Variants in MYO15B observed in about 807,000 individuals in gnomAD.
MYO15B encodes myosin XVB.
In MYO15B, 207 loss-of-function variants were observed where a neutral mutation model predicts 119.3. The ratio of observed to expected loss-of-function variants is 1.73; its 90% CI spans 1.55 to 1.95. The LOEUF (loss-of-function observed/expected upper bound fraction) is 1.95, where lower values mean the gene tolerates loss of function less well. Ranked by LOEUF, MYO15B falls within the 30% of genes most tolerant of loss-of-function variation. MYO15B has a pLI of 0.00. For synonymous variants in MYO15B, 966 were observed against 498.9 expected (o/e 1.94, Z -12.48); for missense variants, 2,264 against 1,203.1 (o/e 1.88, Z -13.04).
At chr17:75,588,808 C>T (rs2056224132) in exon 1 of MYO15B, 4 of 398,480 alleles carry the variant, frequency 1.0e-5, no homozygotes, top group Non-Finnish European at 1.8e-5. Flanking sequence ...CGGACCTGGA[C>T]GGGGCTCTCG....
In MYO15B at chr17:75,611,517, A is replaced by T. The variant is rs898117167; in HGVS notation, c.4447-84A>T. The T allele has an allele frequency of 1.8e-5, 12 of 665,350 alleles. No homozygotes were observed. The African/African-American group carries it at 1.8e-4, about 10-fold the overall frequency. The allele number at this position is 665,350 out of a possible 1,614,324, so 41.2% of individuals were successfully genotyped here. ...CGTGGTCTTTGGAAGGGATGTTTATAATCTTGGGGTTGAGGGTGTGGGGAG... is the reference window on the plus strand; with the variant it reads ...CGTGGTCTTTGGAAGGGATGTTTATTATCTTGGGGTTGAGGGTGTGGGGAG... On this transcript the variant is annotated intron_variant, in intron 23 of 63. Transcript: ENST00000645453.
intron 53 of MYO15B, 88 bp from the exon 54 acceptor site, chr17:75,623,693 C>A: frequency 1.5e-6 from 1 of 682,884 alleles, no homozygotes; most frequent in Non-Finnish European, 2.7e-6. Flanking sequence ...CAGCCCCAGC[C>A]CATGGCCTAG....
In MYO15B at chr17:75,617,942, C is replaced by T; in HGVS notation, c.6927+20C>T. 1.4e-6 allele frequency: 1 copy of T among 702,154 alleles called. No individual in the cohort carries two copies. The allele number at this position is 702,154 out of a possible 1,614,324, so 43.5% of individuals were successfully genotyped here. On this transcript the variant is annotated intron_variant, in intron 42 of 63. Coordinates refer to ENST00000645453, the Ensembl canonical transcript of MYO15B. ...AAGGAGGTGGGCATGAGGGTGGGGC[C>T]TTGGCCTGGCCTCTTTGGGCTGGCA...
chr17:75,592,106 C>A (rs1262330686), intron 6 of MYO15B, 26 bp downstream of exon 6: 22 of 702,516 alleles, frequency 3.1e-5, no homozygotes, highest in Admixed American at 1.0e-4. Context: ...GCAGGGGGCA[C>A]CTACAATCAC....
In MYO15B at chr17:75,619,977, C is replaced by T. The variant is rs572490899; in HGVS notation, c.7400C>T (p.Ala2467Val). 66 of 702,768 alleles carry T rather than the reference C, an allele frequency of 9.4e-5. No individual in the cohort carries two copies. In the Admixed American group the frequency reaches 1.0e-3, roughly 11 times the overall value. The allele number at this position is 702,768 out of a possible 1,614,324, so 43.5% of individuals were successfully genotyped here. Residue 2467 changes from alanine (A) to valine (V), a missense_variant, in exon 47 of 64, where the codon GCC (alanine) becomes GTC (valine). By Grantham distance (64) the Ala-to-Val change is moderately conservative (BLOSUM62 0). Coordinates refer to ENST00000645453, the Ensembl canonical transcript of MYO15B. ...GTGCTGCACACAGCCCGGGCAAGGG[C>T]CATCGAGGCGCTGGTTGAGCTATTC...
chr17:75,609,883 G>T (rs2057908935), intron 21 of MYO15B, among the ~76,000 whole-genome samples: 1 of 151,954 alleles, frequency 6.6e-6, no homozygotes, highest in Admixed American at 6.6e-5. Flanking sequence ...AGTAGACGGG[G>T]TTTCACCATG....
intron 55 of MYO15B, 48 bp downstream of exon 55, chr17:75,624,112 T>C (rs1374903050): frequency 2.8e-6 from 2 of 702,688 alleles, no homozygotes; most frequent in South Asian, 3.0e-5. Flanking sequence ...TTTCTAGGAC[T>C]GGGAACTTGG....
exon 10 of MYO15B, chr17:75,594,567 G>A (rs1209668377): frequency 1.5e-6 from 1 of 655,832 alleles, no homozygotes; most frequent in South Asian, 1.7e-5. Flanking sequence ...GCCTGGAGGG[G>A]GCTGTCACCA....
rs1374075681 is a variant in MYO15B, at chr17:75,615,681, C to G, written c.5839-12C>G. On this transcript the variant is annotated splice_polypyrimidine_tract_variant and intron_variant, in intron 35 of 63. Transcript: ENST00000645453. ...GGATGAGGGTCTGAACTGGCTGCTC[C>G]TCCTGCTTCAGGCCCAGCAGATGAC... 1 of 672,124 alleles carries G rather than the reference C, an allele frequency of 1.5e-6. No homozygotes were observed. Among genetic ancestry groups the G allele is most frequent in the Non-Finnish European group, 2.7e-6 (1 of 366,770 alleles). 41.6% of individuals were successfully genotyped at this position (672,124 alleles called of 1,614,324 possible).
rs1322233480 is a variant in MYO15B, at chr17:75,589,335, CGGGAAAGCGGATGAAGGGCGGGGCCA to C, written c.1279_1304del (p.Gly427ArgfsTer40). On this transcript the variant is annotated frameshift_variant, in exon 1 of 64. Transcript: ENST00000645453. LOFTEE classifies it high-confidence loss of function. The surrounding 1 kb of genome is among the most constrained non-coding windows in gnomAD (Gnocchi z 4.2). ...GGAGAGGAAGCAAGGGGCGGGGCCGCGGGAAAGCGGATGAAGGGCGGGGCCACGAGCGAGGGGACGAGGGTCGGGGC... is the reference window on the plus strand; with the variant it reads ...GGAGAGGAAGCAAGGGGCGGGGCCGCCGAGCGAGGGGACGAGGGTCGGGGC... 37 of 321,178 alleles carry C rather than the reference CGGGAAAGCGGATGAAGGGCGGGGCCA, an allele frequency of 1.2e-4. No individual in the cohort carries two copies. The highest frequency in any genetic ancestry group is 1.9e-4 in the Non-Finnish European group (36 of 186,868). 19.9% of individuals were successfully genotyped at this position (321,178 alleles called of 1,614,324 possible).
intron 22 of MYO15B, 69 bp from the exon 23 acceptor site, chr17:75,610,831 A>C (rs1458831426): frequency 1.3e-5 from 9 of 701,574 alleles, no homozygotes; most frequent in Non-Finnish European, 2.3e-5. Context: ...GCTGAACTTC[A>C]GAGCTGGGGA....
At chr17:75,604,454 C>T (rs1448150175) in intron 19 of MYO15B, among the ~76,000 whole-genome samples, 3 of 147,492 alleles carry the variant, frequency 2.0e-5, no homozygotes, top group Non-Finnish European at 4.5e-5. Context: ...AACACTCCCC[C>T]ACCCACCCCT....
chr17:75,615,869 G>C, exon 36 of MYO15B: 1 of 693,218 alleles, frequency 1.4e-6, no homozygotes, highest in South Asian at 1.5e-5. Flanking sequence ...TGGGATCAGA[G>C]GGTGGCTGCC....
intron 23 of MYO15B, 102 bp downstream of exon 23, chr17:75,611,061 T>G: frequency 2.9e-6 from 2 of 694,624 alleles, no homozygotes; most frequent in Middle Eastern, 2.3e-4. Flanking sequence ...GTCTTGTCCC[T>G]CAGGGCCATG....
At chr17:75,612,138 G>A (rs1334095395) in intron 25 of MYO15B, 122 bp downstream of exon 25, 2 of 636,756 alleles carry the variant, frequency 3.1e-6, no homozygotes, top group African/African-American at 1.8e-5. Flanking sequence ...CCAGCCTTTG[G>A]GGCTGTGAGT....
At chr17:75,591,995 A>G in exon 6 of MYO15B, 1 of 702,680 alleles carries the variant, frequency 1.4e-6, no homozygotes, top group Non-Finnish European at 2.6e-6. Context: ...TATGCTGCCT[A>G]TACTCAGCAG....
Position 75,596,571 on chromosome 17 carries a change from G to C in MYO15B, c.3393+16G>C. 1 of 702,956 alleles carries C rather than the reference G, an allele frequency of 1.4e-6. No homozygotes were observed. Among genetic ancestry groups the C allele is most frequent in the Non-Finnish European group, 2.6e-6 (1 of 384,956 alleles). 43.5% of individuals were successfully genotyped at this position (702,956 alleles called of 1,614,324 possible). A position where few individuals can be genotyped will look rare whatever the true frequency, so the allele number is the denominator to read the frequency against. On this transcript the variant is annotated intron_variant, in intron 13 of 63. Coordinates refer to ENST00000645453, the Ensembl canonical transcript of MYO15B. ...CCAGGAGGAGGTAAGAGGATTGGGC[G>C]TGGACGTGGCAGGGGCCGCTCAGGC...
At position 75,592,099 on chromosome 17, in the gene MYO15B, G is replaced by A. The variant is rs1486510651; in HGVS notation, c.2651+19G>A. On this transcript the variant is annotated intron_variant, in intron 6 of 63. Coordinates refer to ENST00000645453, the Ensembl canonical transcript of MYO15B. ...TACAGCAGTGAGTGGCAGGGTTGCA[G>A]GGGGCACCTACAATCACTTACCCTT... 9 of 702,592 alleles carry A rather than the reference G, an allele frequency of 1.3e-5. No homozygotes were observed. The highest frequency in any genetic ancestry group is 7.0e-5 in the African/African-American group (4 of 57,248). The allele number at this position is 702,592 out of a possible 1,614,324, so 43.5% of individuals were successfully genotyped here.
intron 14 of MYO15B, among the ~76,000 whole-genome samples, chr17:75,598,524 T>C: frequency 1.5e-5 from 1 of 66,562 alleles, no homozygotes. Flanking sequence ...CGAGACTCCA[T>C]CTCAAAAAAA....
Sources: gnomAD v4.1 joint callset for allele counts (sites outside exome capture counted in the v4.1 genomes callset) on GRCh38, gnomAD v4.1.1 for gene constraint, Gnocchi (gnomAD v3.1) non-coding constraint, MANE v1.5 for transcripts, NCBI Gene and HGNC (gene_info 2026-07-23, HGNC 2026-07-21) for gene names.